The following CACNA1S variants were observed in gnomAD, a reference collection of about 807,000 sequenced individuals.
The protein encoded by CACNA1S is calcium voltage-gated channel subunit alpha1 S.
CACNA1S carries 126 observed loss-of-function variants against 207.4 expected under a neutral mutation model. That is an observed-to-expected ratio of 0.61 (90% CI 0.53 to 0.70). The LOEUF (loss-of-function observed/expected upper bound fraction) is 0.70, where lower values mean the gene tolerates loss of function less well. Ranked by LOEUF, CACNA1S falls within the 30% of genes least tolerant of loss-of-function variation. The pLI is 0.00. For missense variants in CACNA1S, 2,349 were observed against 2,422.8 expected (o/e 0.97, Z 0.64); for synonymous variants, 960 against 932.7 (o/e 1.03, Z -0.53).
chr1:201,112,062 A>G (rs1663134954), intron 1 of CACNA1S, 126 bp downstream of exon 1: 2 of 850,910 alleles, frequency 2.4e-6, no homozygotes, highest in African/African-American at 1.8e-5. Flanking sequence ...CAATTCTGTG[A>G]GTTCACCCCA....
At chr1:201,087,484 A>C (rs753083000) in intron 7 of CACNA1S, among the ~76,000 whole-genome samples, 7 of 152,140 alleles carry the variant, frequency 4.6e-5, no homozygotes, top group Non-Finnish European at 8.8e-5. Flanking sequence ...GGAGTGTCAA[A>C]ACAGAGGGAC....
Position 201,091,654 on chromosome 1 carries a change from T to C in CACNA1S, c.680A>G (p.Tyr227Cys). 2 of 1,614,164 alleles carry C rather than the reference T, an allele frequency of 1.2e-6. No homozygotes were observed. The highest frequency in any genetic ancestry group is 1.7e-6 in the Non-Finnish European group (2 of 1,180,012). ...TGGGAGCTCACCTGTACCAATGAAG[T>C]AGCAGGTCTTGTGCATCTTGCCCTT... ...LFKGKMHKTCYFIGTDIVATV... is the reference protein window; with the variant it reads ...LFKGKMHKTCCFIGTDIVATV... The change falls in exon 5 of 44, where the codon TAC (tyrosine) becomes TGC (cysteine). Residue 227 changes from tyrosine (Y) to cysteine (C), a missense_variant. Coordinates refer to ENST00000362061, the MANE Select transcript of CACNA1S (RefSeq NM_000069.3).
rs370330286 is a variant in CACNA1S, at chr1:201,065,037, T to C, written c.2853+801A>G. On this transcript the variant is annotated intron_variant, in intron 22 of 43. Transcript: ENST00000362061. Reference sequence around the variant, plus strand: ...GGGCAAGGGTGGGAAGGGAGAAGAATGGCTGTGGGGCCCTGGGAGGAGGGG... The same window carrying C: ...GGGCAAGGGTGGGAAGGGAGAAGAACGGCTGTGGGGCCCTGGGAGGAGGGG... Among the ~76,000 whole-genome samples the C allele has an allele frequency of 1.1e-3, 171 of 152,150 alleles. 2 individuals are homozygous for C. Among genetic ancestry groups the C allele is most frequent in the African/African-American group, 3.6e-3 (150 of 41,532 alleles).
At chr1:201,099,191 C>T (rs1049293598) in intron 2 of CACNA1S, among the ~76,000 whole-genome samples, 3 of 152,192 alleles carry the variant, frequency 2.0e-5, no homozygotes. Context: ...AGGGATCTGC[C>T]CAGCTCTAGT....
At position 201,075,669 on chromosome 1, in the gene CACNA1S, C is replaced by G. The variant is rs145327352; in HGVS notation, c.1828-54G>C. Reference sequence around the variant, plus strand: ...GAACACAGAGGGGCCTGAGAGTCTTCTATTGGGACCGCATTGACCGAAGTT... The same window carrying G: ...GAACACAGAGGGGCCTGAGAGTCTTGTATTGGGACCGCATTGACCGAAGTT... On this transcript the variant is annotated intron_variant, in intron 12 of 43. Transcript: ENST00000362061. 3,076 of 1,593,710 alleles carry G rather than the reference C, an allele frequency of 1.9e-3. 44 individuals carry two copies. The African/African-American group carries it at 0.035, about 18-fold the overall frequency.
Position 201,066,979 on chromosome 1 carries a change from T to G in CACNA1S, c.2565A>C (p.Gly855=), listed in dbSNP as rs1661268932. Residue 855 remains glycine, a synonymous_variant, in exon 20 of 44, where the codon GGA becomes GGC. Transcript: ENST00000362061. The surrounding 1 kb of genome is among the most constrained non-coding windows in gnomAD (Gnocchi z 4.3). The part of the protein sequence containing the change: ...VEIVLKMTTY[G]AFLHKGSFCR... ...AGAAGGAACCCTTGTGCAGGAAGGCTCCGTAGGTCGTCATCTGGGGAGAAA... is the reference window on the plus strand; with the variant it reads ...AGAAGGAACCCTTGTGCAGGAAGGCGCCGTAGGTCGTCATCTGGGGAGAAA... 3.1e-6 allele frequency: 5 copies of G among 1,613,662 alleles called. No homozygotes were observed. In the South Asian group the frequency reaches 5.5e-5, roughly 18 times the overall value.
chr1:201,054,950 T>C (rs1660785937), intron 28 of CACNA1S, among the ~76,000 whole-genome samples: 1 of 152,164 alleles, frequency 6.6e-6, no homozygotes, highest in South Asian at 2.1e-4. Context: ...TCATTGTAAA[T>C]GGATTCACAT....
chr1:201,041,488 C>T lies in CACNA1S; in HGVS notation c.5134+16G>A. On this transcript the variant is annotated intron_variant, in intron 41 of 43. Transcript: ENST00000362061. ...GGAGAAGACTCAAGCTTCTTAGATG[C>T]ACAGAAGGGACTGACCCAGGACCCT... is the stretch of plus-strand genomic sequence containing the variant. 1 of 1,601,064 alleles carries T rather than the reference C, an allele frequency of 6.2e-7. No individual in the cohort carries two copies. Among genetic ancestry groups the T allele is most frequent in the South Asian group, 1.1e-5 (1 of 90,706 alleles).
intron 39 of CACNA1S, among the ~76,000 whole-genome samples, 194 bp from the exon 40 acceptor site, chr1:201,043,725 G>A (rs1051273103): frequency 6.6e-6 from 1 of 152,138 alleles, no homozygotes; most frequent in African/African-American, 2.4e-5. Context: ...TGTTTGATGG[G>A]GTAGACAGCA....
At chr1:201,078,581 T>C (rs1359370244) in intron 10 of CACNA1S, among the ~76,000 whole-genome samples, 1 of 148,402 alleles carries the variant, frequency 6.7e-6, no homozygotes, top group African/African-American at 2.5e-5. Flanking sequence ...AGCTAACTCA[T>C]ATCATATTTA....
rs569061608 is a variant in CACNA1S at position 201,110,260 on chromosome 1, C to A, written c.162G>T (p.Glu54Asp). ...CAAAGATGGTGAGCAAGATGATCGTCTCGAAGGGCCTGGAGCCAGGGTTAA... is the reference window on the plus strand; with the variant it reads ...CAAAGATGGTGAGCAAGATGATCGTATCGAAGGGCCTGGAGCCAGGGTTAA... ...CISIVEWKPF[E>D]TIILLTIFAN... is the part of the protein sequence containing the mutation. The change falls in exon 2 of 44, where the codon GAG becomes GAT. Residue 54 changes from glutamate (E) to aspartate (D), a missense_variant. Coordinates refer to ENST00000362061, the MANE Select transcript of CACNA1S (RefSeq NM_000069.3). 1.2e-6 allele frequency: 2 copies of A among 1,614,212 alleles called. No individual in the cohort carries two copies. Among genetic ancestry groups the A allele is most frequent in the Admixed American group, 1.7e-5 (1 of 60,034 alleles).
intron 2 of CACNA1S, among the ~76,000 whole-genome samples, chr1:201,103,274 T>C (rs1572072486): frequency 6.6e-6 from 1 of 151,386 alleles, no homozygotes. Flanking sequence ...AGAAAGATAT[T>C]GTGGTCCTCT....
intron 1 of CACNA1S, 31 bp downstream of exon 1, chr1:201,112,157 C>A (rs548437244): frequency 9.9e-6 from 15 of 1,514,220 alleles, no homozygotes; most frequent in Admixed American, 1.8e-5. Context: ...TGACGCACAC[C>A]CCCCCCCACG....
In CACNA1S at chr1:201,047,257, A is replaced by G. The variant is rs1316261475; in HGVS notation, c.4544-18T>C. ...CTCATCATCTGCAGAGGAGCCAACA[A>G]GAGATGCCCTGAAGGCTAGTGGGAA... On this transcript the variant is annotated intron_variant, in intron 37 of 43. Transcript: ENST00000362061. 1 of 1,614,194 alleles carries G rather than the reference A, an allele frequency of 6.2e-7. No individual in the cohort carries two copies. Among genetic ancestry groups the G allele is most frequent in the Non-Finnish European group, 8.5e-7 (1 of 1,180,022 alleles).
At chr1:201,076,788 G>A (rs1661637028) in intron 12 of CACNA1S, 132 bp downstream of exon 12, 1 of 841,650 alleles carries the variant, frequency 1.2e-6, no homozygotes. Flanking sequence ...GGAGCCCAGA[G>A]AAGGACATTG....
chr1:201,067,942 G>T (rs923979711), intron 19 of CACNA1S, among the ~76,000 whole-genome samples: 1 of 152,164 alleles, frequency 6.6e-6, no homozygotes, highest in African/African-American at 2.4e-5. Flanking sequence ...CTCTTAGTTT[G>T]TGAATGTGCA....
At chr1:201,102,138 A>T (rs1329267980) in intron 2 of CACNA1S, among the ~76,000 whole-genome samples, 1 of 152,220 alleles carries the variant, frequency 6.6e-6, no homozygotes, top group Non-Finnish European at 1.5e-5. Context: ...TGCTGGATAC[A>T]GCACAGGGTG....
chr1:201,085,494 C>T lies in CACNA1S; in HGVS notation c.1092G>A (p.Arg364=), dbSNP rs763965450. The T allele has an allele frequency of 6.2e-7, 1 of 1,613,176 alleles. No homozygotes were observed. The highest frequency in any genetic ancestry group is 1.3e-5 in the African/African-American group (1 of 74,560). Residue 364 remains arginine (R), a synonymous_variant, in exon 8 of 44, where the codon CGG becomes CGA. Coordinates refer to ENST00000362061, the MANE Select transcript of CACNA1S (RefSeq NM_000069.3). ...CCTGCGTGATCCAGCTCATGTAGCC[C>T]CGAAGGTCCTCATCTAGTTGCTGCT... ...REKQQLDEDL[R]GYMSWITQGE...
intron 9 of CACNA1S, among the ~76,000 whole-genome samples, chr1:201,084,547 G>C (rs935526948): frequency 8.5e-5 from 13 of 152,140 alleles, no homozygotes; most frequent in African/African-American, 3.1e-4. Flanking sequence ...CTTGCCTCCA[G>C]CCTCCTTCCT....
Sources: allele counts gnomAD v4.1 joint callset (sites outside exome capture counted in the v4.1 genomes callset), GRCh38; gene constraint gnomAD v4.1.1; non-coding constraint Gnocchi (gnomAD v3.1); transcripts MANE v1.5; gene names NCBI Gene and HGNC (gene_info 2026-07-23, HGNC 2026-07-21).